Variants in CTNNA2 observed in about 807,000 individuals in gnomAD.
CTNNA2 encodes catenin alpha-2.
CTNNA2 carries 42 observed loss-of-function variants against 101.0 expected under a neutral mutation model. That is an observed-to-expected ratio of 0.42 (90% CI 0.32 to 0.54). The LOEUF is 0.54. Among genes scored for constraint, CTNNA2 ranks in the 20% least tolerant of loss-of-function variants. The pLI is 0.14. For synonymous variants in CTNNA2, 450 were observed against 456.4 expected, an observed-to-expected ratio of 0.99 and a Z score of 0.18; for missense variants, 871 against 1,223.1, an observed-to-expected ratio of 0.71 and a Z score of 4.29.
intron 4 of CTNNA2, among the ~76,000 whole-genome samples, chr2:79,406,558 A>T (rs1385000418): frequency 6.6e-6 from 1 of 152,012 alleles, no homozygotes; most frequent in African/African-American, 2.4e-5. Flanking sequence ...GCATAGTCTT[A>T]TGCAGCTGTC....
At chr2:80,601,181 T>C (rs1375260758) in intron 15 of CTNNA2, among the ~76,000 whole-genome samples, 1 of 152,122 alleles carries the variant, frequency 6.6e-6, no homozygotes, top group Non-Finnish European at 1.5e-5. Flanking sequence ...GTCAATTCTG[T>C]CATTTCTTTG....
intron 7 of CTNNA2, among the ~76,000 whole-genome samples, chr2:80,127,876 G>C (rs1702223141): frequency 6.6e-6 from 1 of 152,122 alleles, no homozygotes; most frequent in Admixed American, 6.5e-5. Context: ...ACAGGGGGCA[G>C]CTATTCTTAG....
chr2:79,805,437 G>T (rs1257069273), intron 3 of CTNNA2, among the ~76,000 whole-genome samples: 1 of 152,126 alleles, frequency 6.6e-6, no homozygotes, highest in Non-Finnish European at 1.5e-5. Context: ...CATGAGGTCA[G>T]GTGTGAAATT....
intron 6 of CTNNA2, among the ~76,000 whole-genome samples, chr2:79,890,652 T>C (rs1318132040): frequency 6.6e-6 from 1 of 151,736 alleles, no homozygotes; most frequent in Non-Finnish European, 1.5e-5. Flanking sequence ...CTTCTCTTAG[T>C]TTTGGCATCT....
At position 79,709,458 on chromosome 2, in the gene CTNNA2, A is replaced by T. The variant is rs187085285; in HGVS notation, c.103-34929A>T. ...TCTGAGCCTCAATATTTCTGTCAGTAATATGGGGATGAGAGGCATGTCGGA... is the reference window on the plus strand; with the variant it reads ...TCTGAGCCTCAATATTTCTGTCAGTTATATGGGGATGAGAGGCATGTCGGA... On this transcript the variant is annotated intron_variant, in intron 2 of 18. Transcript: ENST00000402739. 4.8e-3 allele frequency among the ~76,000 whole-genome samples: 737 copies of T among 152,272 alleles called. 5 individuals carry two copies. Among genetic ancestry groups the T allele is most frequent in the Non-Finnish European group, 6.9e-3 (470 of 68,012 alleles).
chr2:80,485,308 G>GA (rs964527538), intron 9 of CTNNA2, among the ~76,000 whole-genome samples: 11 of 151,534 alleles, frequency 7.3e-5, no homozygotes, highest in African/African-American at 1.7e-4. Context: ...TGCCAGGAAG[G>GA]AAAAAAAATA....
At chr2:79,936,194 C>T (rs56061106) in intron 7 of CTNNA2, among the ~76,000 whole-genome samples, 2,335 of 150,910 alleles carry the variant, frequency 0.015, 75 homozygotes, top group African/African-American at 0.054. Flanking sequence ...AGGCAGTACT[C>T]GTTTCCTCAG....
At chr2:80,027,062 A>G (rs530532320) in intron 7 of CTNNA2, among the ~76,000 whole-genome samples, 132 of 152,330 alleles carry the variant, frequency 8.7e-4, no homozygotes, top group Non-Finnish European at 1.5e-3. Context: ...TATGGACAAA[A>G]TAATTTCAGA....
At chr2:80,461,125 A>G (rs1213303745) in intron 9 of CTNNA2, among the ~76,000 whole-genome samples, 2 of 152,146 alleles carry the variant, frequency 1.3e-5, no homozygotes, top group African/African-American at 4.8e-5. Flanking sequence ...AGGCTCCTAA[A>G]TCTTTTCCTA....
chr2:79,956,004 C>T (rs1011328307), intron 7 of CTNNA2, among the ~76,000 whole-genome samples: 1 of 152,224 alleles, frequency 6.6e-6, no homozygotes, highest in Admixed American at 6.5e-5. Context: ...ACCAGAATAA[C>T]AGGATGTGTG....
intron 3 of CTNNA2, among the ~76,000 whole-genome samples, chr2:79,314,431 T>C (rs1047259113): frequency 6.6e-6 from 1 of 152,182 alleles, no homozygotes; most frequent in African/African-American, 2.4e-5. Context: ...AGGAAGAATA[T>C]GCGTGGGCCT....
At chr2:80,315,273 G>A (rs1020876664) in intron 7 of CTNNA2, among the ~76,000 whole-genome samples, 3 of 152,148 alleles carry the variant, frequency 2.0e-5, no homozygotes, top group Admixed American at 1.3e-4. Context: ...GAAAAAGGCA[G>A]CAACAAACAC....
chr2:80,225,593 A>G (rs1708841641), intron 7 of CTNNA2, among the ~76,000 whole-genome samples: 1 of 152,240 alleles, frequency 6.6e-6, no homozygotes, highest in African/African-American at 2.4e-5. Context: ...CTCCATTGCC[A>G]TAGTAGGAAA....
chr2:79,647,399 A>G (rs529374078), intron 1 of CTNNA2, among the ~76,000 whole-genome samples: 2 of 152,350 alleles, frequency 1.3e-5, no homozygotes, highest in African/African-American at 2.4e-5. Flanking sequence ...AATCCTCACA[A>G]TAAGCCTATA....
At chr2:79,288,103 A>C (rs34880041) in intron 2 of CTNNA2, among the ~76,000 whole-genome samples, 3 of 152,006 alleles carry the variant, frequency 2.0e-5, no homozygotes, top group African/African-American at 4.8e-5. Flanking sequence ...GCCCTGCTTC[A>C]CCTCGCGCAT....
chr2:80,587,934 A>G (rs188818042), intron 14 of CTNNA2, among the ~76,000 whole-genome samples: 69 of 152,320 alleles, frequency 4.5e-4, no homozygotes, highest in Admixed American at 7.8e-4. Context: ...TTTAACAAAT[A>G]TAGTTGATTC....
chr2:80,482,495 G>T (rs1382280856), intron 9 of CTNNA2, among the ~76,000 whole-genome samples: 1 of 152,134 alleles, frequency 6.6e-6, no homozygotes, highest in Non-Finnish European at 1.5e-5. Flanking sequence ...TAATGTGAAA[G>T]CAACTATAGA....
At chr2:79,522,462 C>G (rs756753003) in intron 1 of CTNNA2, among the ~76,000 whole-genome samples, 1 of 152,180 alleles carries the variant, frequency 6.6e-6, no homozygotes, top group Non-Finnish European at 1.5e-5. Context: ...TAATACCAGA[C>G]AGAATGATCG....
chr2:80,290,800 C>A (rs527458348), intron 7 of CTNNA2, among the ~76,000 whole-genome samples: 1 of 151,032 alleles, frequency 6.6e-6, no homozygotes, highest in Non-Finnish European at 1.5e-5. Flanking sequence ...ACTATGAATT[C>A]GGTAAAAAGA....
Sources: gnomAD v4.1 joint callset for allele counts (sites outside exome capture counted in the v4.1 genomes callset) on GRCh38, gnomAD v4.1.1 for gene constraint, MANE v1.5 for transcripts, NCBI Gene and HGNC (gene_info 2026-07-23, HGNC 2026-07-21) for gene names.